The following NECAB3 variants were observed in gnomAD, a reference collection of about 807,000 sequenced individuals.
NECAB3 encodes N-terminal EF-hand calcium-binding protein 3.
Under a neutral mutation model 57.2 loss-of-function variants are expected in NECAB3, and 38 were observed. The ratio of observed to expected loss-of-function variants is 0.66; its 90% CI spans 0.51 to 0.87. NECAB3 has a LOEUF of 0.87. Ranked by LOEUF, NECAB3 falls within the 40% of genes least tolerant of loss-of-function variation. The pLI is 0.00. For synonymous variants in NECAB3, 223 were observed against 222.6 expected, an observed-to-expected ratio of 1.00 and a Z score of -0.02; for missense variants, 474 against 527.5, an observed-to-expected ratio of 0.90 and a Z score of 0.99.
chr20:33,665,112 T>A (rs975942046), intron 5 of NECAB3: 1 of 152,292 alleles, frequency 6.6e-6, no homozygotes, highest in Non-Finnish European at 1.5e-5. Flanking sequence ...CCTAGGACTG[T>A]GATTCAGGAG....
At chr20:33,674,448 G>C (rs2017909089), upstream of NECAB3, 1 of 1,007,950 alleles carries the variant, frequency 9.9e-7, no homozygotes, top group Admixed American at 5.6e-5. Flanking sequence ...TGGCGCCGGC[G>C]CCGACGCGCG....
chr20:33,657,566 A>G lies in NECAB3; in HGVS notation c.*263T>C, dbSNP rs13042837. 3 of 438,098 alleles carry G rather than the reference A, an allele frequency of 6.8e-6. No homozygotes were observed. Among genetic ancestry groups the G allele is most frequent in the Non-Finnish European group, 1.2e-5 (3 of 250,514 alleles). The allele number at this position is 438,098 out of a possible 1,614,324, so 27.1% of individuals were successfully genotyped here. On this transcript the variant is annotated 3_prime_UTR_variant, in exon 12 of 12. Coordinates refer to ENST00000246190, the MANE Select transcript of NECAB3 (RefSeq NM_031232.4). ...GCTCAGCCAGGCAGGGACAGCAGGG[A>G]CCAGAATCCAGGTCTCCTGAGCCAG...
intron 1 of NECAB3, among the ~76,000 whole-genome samples, chr20:33,673,041 G>C (rs1243060087): frequency 6.6e-6 from 1 of 151,916 alleles, no homozygotes; most frequent in Non-Finnish European, 1.5e-5. Flanking sequence ...CCTTCGGCAG[G>C]CGTGTGTGTA....
At chr20:33,663,571 C>T in intron 5 of NECAB3, 2 of 1,611,380 alleles carry the variant, frequency 1.2e-6, no homozygotes, top group South Asian at 2.2e-5. Flanking sequence ...CAAGCGGCAG[C>T]CGCTGGCCAA....
In NECAB3 at chr20:33,657,608, C is replaced by T. The variant is rs1601145754; in HGVS notation, c.*221G>A. On this transcript the variant is annotated 3_prime_UTR_variant, in exon 12 of 12. Coordinates refer to ENST00000246190, the MANE Select transcript of NECAB3 (RefSeq NM_031232.4). ...CTGAGCCAGGCAGAAGCCAAAGTAG[C>T]TTGGAGGCTGAAGTGACAAACAATA... The T allele has an allele frequency of 2.0e-6, 1 of 490,290 alleles. No individual in the cohort carries two copies. The allele number at this position is 490,290 out of a possible 1,614,324, so 30.4% of individuals were successfully genotyped here.
chr20:33,662,506 G>A (rs1239403087), intron 5 of NECAB3: 15 of 1,546,248 alleles, frequency 9.7e-6, no homozygotes, highest in African/African-American at 1.4e-5. Flanking sequence ...GGCTGGGGAG[G>A]CAGCTGGGGG....
chr20:33,674,545 T>C (rs2017914492), upstream of NECAB3: 4 of 419,386 alleles, frequency 9.5e-6, no homozygotes, highest in Admixed American at 6.2e-5. Context: ...GCCTCCGCGC[T>C]TCCGCGGCCA....
chr20:33,668,594 G>A (rs1214982896), intron 5 of NECAB3: 1 of 213,504 alleles, frequency 4.7e-6, no homozygotes, highest in Admixed American at 5.7e-5. Context: ...CAGGCCCCAA[G>A]GGGCGATCCC....
intron 5 of NECAB3, chr20:33,667,315 C>T (rs2017687777): frequency 1.3e-6 from 1 of 773,756 alleles, no homozygotes; most frequent in Admixed American, 4.3e-5. Context: ...CCCCATCAAG[C>T]ACGGCGTGGT....
intron 5 of NECAB3, among the ~76,000 whole-genome samples, chr20:33,666,152 T>C (rs1356411842): frequency 2.6e-5 from 4 of 151,930 alleles, no homozygotes; most frequent in African/African-American, 9.7e-5. Flanking sequence ...TGGAAGCCCA[T>C]AAAGGTAGGG....
upstream of NECAB3, chr20:33,674,512 A>C (rs2017913380): frequency 1.6e-6 from 1 of 643,720 alleles, no homozygotes; most frequent in Non-Finnish European, 1.9e-6. Context: ...CCCTCGCCTC[A>C]AGGTCCAACT....
intron 10 of NECAB3, 97 bp downstream of exon 10, chr20:33,658,380 C>A: frequency 7.7e-7 from 1 of 1,297,318 alleles, no homozygotes; most frequent in Non-Finnish European, 1.1e-6. Context: ...CATCTGAGGT[C>A]ACAGAGCCAG....
At position 33,659,564 on chromosome 20, in the gene NECAB3, G is replaced by T; in HGVS notation, c.812C>A (p.Ser271Tyr). Residue 271 changes from serine to tyrosine, a missense_variant, in exon 8 of 12, where the codon TCT (serine) becomes TAT (tyrosine). Ser to Tyr is a moderately radical substitution (Grantham distance 144, BLOSUM62 -2). Coordinates refer to ENST00000246190, the MANE Select transcript of NECAB3 (RefSeq NM_031232.4). ...CAGCCGGGGGGCCTGTGAGGGCACA[G>T]AGTGTGGGCCGGGCCTCCAGCATGG... The part of the protein sequence containing the change: ...PGPCWRPGPH[S>Y]VPSQAPRLEP... 6.3e-7 allele frequency: 1 copy of T among 1,582,738 alleles called. No homozygotes were observed. Among genetic ancestry groups the T allele is most frequent in the Non-Finnish European group, 8.6e-7 (1 of 1,162,040 alleles).
chr20:33,674,112 G>A (rs2017894438), intron 1 of NECAB3, 112 bp downstream of exon 1: 1 of 1,110,274 alleles, frequency 9.0e-7, no homozygotes, highest in Non-Finnish European at 1.1e-6. Context: ...AGCAGGGCCA[G>A]AGAGAGGGGA....
chr20:33,673,481 C>G (rs1237655857), intron 1 of NECAB3, among the ~76,000 whole-genome samples: 1 of 152,168 alleles, frequency 6.6e-6, no homozygotes, highest in Non-Finnish European at 1.5e-5. Flanking sequence ...ATGGGGACAT[C>G]TGGGGTCACC....
At chr20:33,674,475 C>T (rs957314993), upstream of NECAB3, 19 of 855,768 alleles carry the variant, frequency 2.2e-5, no homozygotes, top group Non-Finnish European at 2.4e-5. Flanking sequence ...GGCCCCGCCC[C>T]CGCCCCGCCC....
chr20:33,669,595 T>C, intron 4 of NECAB3, 92 bp downstream of exon 4: 4 of 1,530,280 alleles, frequency 2.6e-6, no homozygotes, highest in Non-Finnish European at 3.5e-6. Flanking sequence ...CAGCCCAACC[T>C]GTCCCATCAG....
chr20:33,657,910 A>AGGGCCACAGTGAGTGGG, intron 11 of NECAB3, 32 bp downstream of exon 11: 4 of 1,550,060 alleles, frequency 2.6e-6, no homozygotes, highest in Non-Finnish European at 3.5e-6. Flanking sequence ...CTGCCCCTCC[A>AGGGCCACAGTGAGTGGG]GGGCCACAGT....
rs1040342844 is a variant in NECAB3, at chr20:33,670,720, T to C, written c.227A>G (p.Gln76Arg). The C allele has an allele frequency of 3.1e-6, 5 of 1,614,092 alleles. No individual in the cohort carries two copies. The highest frequency in any genetic ancestry group is 4.2e-6 in the Non-Finnish European group (5 of 1,179,972). ...ADGVLSLGEL[Q>R]ELFSGIDGHL... ...CCCATCAATGCCGCTGAACAGTTCC[T>C]GCAGCTCCCCCAGGCTGAGAACCCC... The change falls in exon 3 of 12, where the codon CAG (glutamine) becomes CGG (arginine). Residue 76 changes from glutamine (Q) to arginine (R), a missense_variant. Gln to Arg is a conservative substitution (Grantham distance 43). Coordinates refer to ENST00000246190, the MANE Select transcript of NECAB3 (RefSeq NM_031232.4).
Sources: gnomAD v4.1 joint callset for allele counts (sites outside exome capture counted in the v4.1 genomes callset) on GRCh38, gnomAD v4.1.1 for gene constraint, MANE v1.5 for transcripts, NCBI Gene and HGNC (gene_info 2026-07-23, HGNC 2026-07-21) for gene names.